Variants in PCDH7 observed in about 807,000 individuals in gnomAD.
PCDH7 encodes the protein protocadherin 7.
PCDH7 carries 17 observed loss-of-function variants against 58.9 expected under a neutral mutation model. That is an observed-to-expected ratio of 0.29 (90% CI 0.20 to 0.43). The LOEUF (loss-of-function observed/expected upper bound fraction) is 0.43. PCDH7 is among the 20% of genes least tolerant of loss of function. The pLI is 1.00. For synonymous variants in PCDH7, 664 were observed against 616.4 expected, an observed-to-expected ratio of 1.08 and a Z score of -1.14; for missense variants, 1,274 against 1,441.0, an observed-to-expected ratio of 0.88 and a Z score of 1.88.
At chr4:30,771,536 C>T (rs181037058) in intron 1 of PCDH7, among the ~76,000 whole-genome samples, 27 of 152,268 alleles carry the variant, frequency 1.8e-4, no homozygotes, top group South Asian at 8.3e-4. Context: ...CACCTAAAAT[C>T]TATTCTCCTC....
At chr4:30,930,069 G>A (rs1322742468) in intron 2 of PCDH7, among the ~76,000 whole-genome samples, 1 of 152,208 alleles carries the variant, frequency 6.6e-6, no homozygotes, top group Non-Finnish European at 1.5e-5. Context: ...TATTGTCAGA[G>A]AGAAAGGCGT....
chr4:30,875,884 G>A (rs1238742505), intron 1 of PCDH7, among the ~76,000 whole-genome samples: 1 of 152,070 alleles, frequency 6.6e-6, no homozygotes, highest in East Asian at 1.9e-4. Flanking sequence ...AATTTCAACA[G>A]GATCTGTGAA....
chr4:31,003,600 CG>C (rs2086405239), intron 3 of PCDH7, among the ~76,000 whole-genome samples: 1 of 151,964 alleles, frequency 6.6e-6, no homozygotes, highest in African/African-American at 2.4e-5. Flanking sequence ...ACCACTATGT[CG>C]GCGCTCAAAA....
At chr4:31,094,932 A>C (rs929406334) in intron 3 of PCDH7, among the ~76,000 whole-genome samples, 1 of 152,212 alleles carries the variant, frequency 6.6e-6, no homozygotes, top group African/African-American at 2.4e-5. Flanking sequence ...CTATTTAAAA[A>C]GACAAGGTTC....
At chr4:30,820,418 C>G (rs1728237466) in intron 1 of PCDH7, among the ~76,000 whole-genome samples, 1 of 151,984 alleles carries the variant, frequency 6.6e-6, no homozygotes, top group Non-Finnish European at 1.5e-5. Flanking sequence ...TAAGTTTGAC[C>G]ACTGTGAAGA....
chr4:30,792,593 C>T (rs910535586), intron 1 of PCDH7, among the ~76,000 whole-genome samples: 48 of 151,934 alleles, frequency 3.2e-4, no homozygotes, highest in African/African-American at 1.1e-3. Flanking sequence ...CTATATGGTT[C>T]GATGTTAGGG....
rs772936729 is a variant in PCDH7, at chr4:30,721,767, G to C, written c.345G>C (p.Ser115=). ...AGTGCTTCCTGGACTTCGAGGTGTCGGTGATCGGGCCCTCGCAGAGCTGGG... is the reference window on the plus strand; with the variant it reads ...AGTGCTTCCTGGACTTCGAGGTGTCCGTGATCGGGCCCTCGCAGAGCTGGG... The change falls in exon 1 of 2, where the codon TCG becomes TCC. Residue 115 remains serine (S), a synonymous_variant. Transcript: ENST00000361762. This position sits in a 1 kb window ranked among gnomAD's most constrained non-coding sequence, Gnocchi z 6.7. 2 of 1,613,774 alleles carry C rather than the reference G, an allele frequency of 1.2e-6. No individual in the cohort carries two copies. The highest frequency in any genetic ancestry group is 2.2e-5 in the East Asian group (1 of 44,842).
At chr4:30,888,289 CAT>C (rs1738126042) in intron 1 of PCDH7, among the ~76,000 whole-genome samples, 1 of 152,178 alleles carries the variant, frequency 6.6e-6, no homozygotes, top group South Asian at 2.1e-4. Context: ...CACACACACA[CAT>C]ACACACACAC....
At chr4:31,120,121 G>A (rs1156493261) in intron 3 of PCDH7, among the ~76,000 whole-genome samples, 1 of 152,012 alleles carries the variant, frequency 6.6e-6, no homozygotes, top group Non-Finnish European at 1.5e-5. Flanking sequence ...CTAGCTACCC[G>A]CTGTAACAAA....
At chr4:31,142,778 C>T in exon 4 of PCDH7, 1 of 1,367,224 alleles carries the variant, frequency 7.3e-7, no homozygotes, top group Non-Finnish European at 9.8e-7. Context: ...TGAGGATATT[C>T]CCCTTACAAA....
At chr4:30,971,728 A>G (rs1271355617) in intron 3 of PCDH7, among the ~76,000 whole-genome samples, 1 of 152,190 alleles carries the variant, frequency 6.6e-6, no homozygotes, top group East Asian at 1.9e-4. Flanking sequence ...CCATGAGCAC[A>G]CCATTAAAAA....
At chr4:31,035,147 G>A (rs1755285155) in intron 3 of PCDH7, among the ~76,000 whole-genome samples, 2 of 152,144 alleles carry the variant, frequency 1.3e-5, no homozygotes, top group South Asian at 4.2e-4. Context: ...ACATGGAGAT[G>A]GCATCTCTTC....
chr4:30,803,015 A>G (rs892771691), intron 1 of PCDH7, among the ~76,000 whole-genome samples: 9 of 152,116 alleles, frequency 5.9e-5, no homozygotes, highest in Non-Finnish European at 1.2e-4. Context: ...CACCCATGAA[A>G]GTGTGTTGAA....
chr4:31,137,888 C>T (rs548267049), intron 3 of PCDH7, among the ~76,000 whole-genome samples: 1 of 152,282 alleles, frequency 6.6e-6, no homozygotes, highest in African/African-American at 2.4e-5. Flanking sequence ...CATACCTTCT[C>T]TCAGCAAATG....
At chr4:30,929,005 A>G (rs1744231712) in intron 2 of PCDH7, among the ~76,000 whole-genome samples, 2 of 152,278 alleles carry the variant, frequency 1.3e-5, no homozygotes, top group East Asian at 3.9e-4. Flanking sequence ...AAACTATAAA[A>G]TAGATTAATT....
In PCDH7 at chr4:30,723,142, C is replaced by T; in HGVS notation, c.1720C>T (p.Leu574=). 2 of 1,614,084 alleles carry T rather than the reference C, an allele frequency of 1.2e-6. No homozygotes were observed. Among genetic ancestry groups the T allele is most frequent in the Non-Finnish European group, 1.7e-6 (2 of 1,180,036 alleles). The change falls in exon 1 of 2, where the codon CTG becomes TTG. Residue 574 remains leucine (L), a synonymous_variant. Coordinates refer to ENST00000361762, the Ensembl canonical transcript of PCDH7. The surrounding 1 kb of genome is among the most constrained non-coding windows in gnomAD (Gnocchi z 4.6). The stretch of plus-strand genomic sequence containing the variant: ...TAAGAACGCCGAGATCGCCTACTCG[C>T]TGGACTCCTCTGTGATGGGGATCTT...
At chr4:30,961,928 C>T (rs1748473116) in intron 3 of PCDH7, among the ~76,000 whole-genome samples, 1 of 152,118 alleles carries the variant, frequency 6.6e-6, no homozygotes, top group Non-Finnish European at 1.5e-5. Flanking sequence ...CAATAACTTC[C>T]AAGCTTTTAA....
At chr4:30,893,476 T>C (rs934905625) in intron 1 of PCDH7, among the ~76,000 whole-genome samples, 140 of 152,194 alleles carry the variant, frequency 9.2e-4, no homozygotes, top group African/African-American at 3.3e-3. Context: ...AAGATAACAA[T>C]GTCTGTCTTC....
downstream of PCDH7, among the ~76,000 whole-genome samples, chr4:30,734,880 A>G (rs1439942938): frequency 6.6e-6 from 1 of 151,992 alleles, no homozygotes; most frequent in African/African-American, 2.4e-5. Flanking sequence ...CATAGTTGCT[A>G]TTTTCTGCCC....
Sources: gnomAD v4.1 joint callset for allele counts (sites outside exome capture counted in the v4.1 genomes callset) on GRCh38, gnomAD v4.1.1 for gene constraint, Gnocchi (gnomAD v3.1) non-coding constraint, MANE v1.5 for transcripts, NCBI Gene and HGNC (gene_info 2026-07-23, HGNC 2026-07-21) for gene names.